The following TDRD7 variants were observed in gnomAD, a reference collection of about 807,000 sequenced individuals.
The protein encoded by TDRD7 is tudor domain-containing protein 7.
A neutral mutation model predicts 109.8 loss-of-function variants in TDRD7; 47 were observed. The ratio of observed to expected loss-of-function variants is 0.43; its 90% CI spans 0.34 to 0.55. The LOEUF (loss-of-function observed/expected upper bound fraction) is 0.55, where lower values mean the gene tolerates loss of function less well. Among genes scored for constraint, TDRD7 ranks in the 20% least tolerant of loss-of-function variants. The pLI is 0.03. For missense variants in TDRD7, 1,164 were observed against 1,319.2 expected (o/e 0.88, Z 1.82); for synonymous variants, 424 against 457.3 (o/e 0.93, Z 0.93).
intron 4 of TDRD7, among the ~76,000 whole-genome samples, chr9:97,435,986 A>G (rs756778101): frequency 6.6e-5 from 10 of 152,296 alleles, no homozygotes; most frequent in Middle Eastern, 3.4e-3. Context: ...TTACATATGC[A>G]TACATAATCT....
At chr9:97,463,680 G>T (rs1054333361) in intron 7 of TDRD7, among the ~76,000 whole-genome samples, 1 of 152,186 alleles carries the variant, frequency 6.6e-6, no homozygotes, top group Non-Finnish European at 1.5e-5. Flanking sequence ...TGATATGCCA[G>T]GTTTTACACC....
intron 13 of TDRD7, among the ~76,000 whole-genome samples, chr9:97,478,943 G>C (rs1829069033): frequency 6.6e-6 from 1 of 151,350 alleles, no homozygotes; most frequent in African/African-American, 2.4e-5. Flanking sequence ...ATTTTCTTTG[G>C]AAATCTGTTT....
intron 6 of TDRD7, among the ~76,000 whole-genome samples, chr9:97,445,220 A>C (rs1316643618): frequency 4.6e-5 from 7 of 152,238 alleles, no homozygotes; most frequent in Admixed American, 4.6e-4. Flanking sequence ...CTAGGAGTAC[A>C]GCAACACCTC....
chr9:97,441,506 G>A (rs1159212898), intron 5 of TDRD7, 152 bp from the exon 6 acceptor site: 5 of 640,274 alleles, frequency 7.8e-6, no homozygotes, highest in Admixed American at 2.9e-5. Context: ...AAGTTGTCAC[G>A]GTGCTGCTCT....
rs79533403 is a variant in TDRD7, at chr9:97,423,469, T to A, written c.-6-4991T>A. Among the ~76,000 whole-genome samples, 309 of 152,170 alleles carry A rather than the reference T, an allele frequency of 2.0e-3. 1 individual carries two copies. Among genetic ancestry groups the A allele is most frequent in the Non-Finnish European group, 3.5e-3 (236 of 67,970 alleles). On this transcript the variant is annotated intron_variant, in intron 1 of 16. Coordinates refer to ENST00000355295, the MANE Select transcript of TDRD7 (RefSeq NM_014290.3). ...GGTTTGAAAACTAGTTTTAGTTTCA[T>A]GATTCTTTTCTCTCCTATTTTTAAA... is the stretch of plus-strand genomic sequence containing the variant.
At position 97,428,582 on chromosome 9, in the gene TDRD7, C is replaced by T; in HGVS notation, c.117C>T (p.Ile39=). 2 of 1,613,514 alleles carry T rather than the reference C, an allele frequency of 1.2e-6. No individual in the cohort carries two copies. The highest frequency in any genetic ancestry group is 1.7e-6 in the Non-Finnish European group (2 of 1,179,808). Residue 39 remains isoleucine (I), a synonymous_variant, in exon 2 of 17, where the codon ATC becomes ATT. Coordinates refer to ENST00000355295, the MANE Select transcript of TDRD7 (RefSeq NM_014290.3). ...GEYRSLTGDW[I]PFKQLGFPTL... ...ACAGATCCTTGACTGGAGACTGGAT[C>T]CCCTTCAAACAGCTAGGTTTCCCTA...
At chr9:97,457,270 C>G (rs895229504) in intron 6 of TDRD7, among the ~76,000 whole-genome samples, 11 of 152,202 alleles carry the variant, frequency 7.2e-5, no homozygotes, top group Middle Eastern at 3.4e-3. Context: ...GACAATTCCT[C>G]AAGGATCTAG....
In TDRD7 at chr9:97,483,017, A is replaced by G; in HGVS notation, c.2581A>G (p.Asn861Asp). ...SAISSGADSPNSKNGNMPMSG... is the reference protein window; with the variant it reads ...SAISSGADSPDSKNGNMPMSG... ...CATATCCAGTGGAGCTGACTCTCCC[A>G]ACAGCAAAAATGGCAACATGCCCAT... Residue 861 changes from asparagine to aspartate, a missense_variant, in exon 15 of 17, where the codon AAC becomes GAC. Physicochemically the swap from Asn to Asp is conservative, Grantham distance 23. Transcript: ENST00000355295. 6.2e-7 allele frequency: 1 copy of G among 1,614,232 alleles called. No individual in the cohort carries two copies. Among genetic ancestry groups the G allele is most frequent in the Non-Finnish European group, 8.5e-7 (1 of 1,180,038 alleles).
intron 6 of TDRD7, among the ~76,000 whole-genome samples, chr9:97,447,879 A>G (rs778808117): frequency 6.6e-6 from 1 of 152,256 alleles, no homozygotes; most frequent in Non-Finnish European, 1.5e-5. Context: ...GCCTAACCTC[A>G]GGCCATGCTA....
chr9:97,456,527 A>G (rs1332787063), intron 6 of TDRD7, among the ~76,000 whole-genome samples: 3 of 152,188 alleles, frequency 2.0e-5, no homozygotes, highest in South Asian at 2.1e-4. Flanking sequence ...AACACCACAC[A>G]TCTACAACCA....
At chr9:97,413,113 C>T (rs1256444951) in intron 1 of TDRD7, among the ~76,000 whole-genome samples, 2 of 152,200 alleles carry the variant, frequency 1.3e-5, no homozygotes, top group African/African-American at 4.8e-5. Flanking sequence ...AGATCTAGTT[C>T]ATTAACCCTC....
rs868464810 is a variant in TDRD7 at position 97,421,136 on chromosome 9, A to G, written c.-6-7324A>G. On this transcript the variant is annotated intron_variant, in intron 1 of 16. Transcript: ENST00000355295. The stretch of plus-strand genomic sequence containing the variant: ...GGCCACAGAGCTGGACTCTGTCTCA[A>G]AAAAAAAAAAAAAAAGAAATTGTCA... Among the ~76,000 whole-genome samples, 98 of 126,562 alleles carry G rather than the reference A, an allele frequency of 7.7e-4. 2 individuals carry two copies. The highest frequency in any genetic ancestry group is 3.3e-3 in the African/African-American group (93 of 28,144). 83.0% of individuals were successfully genotyped at this position (126,562 alleles called of 152,430 possible).
At chr9:97,483,477 C>T in intron 15 of TDRD7, 126 bp downstream of exon 15, 1 of 1,167,836 alleles carries the variant, frequency 8.6e-7, no homozygotes, top group Non-Finnish European at 1.2e-6. Flanking sequence ...GAAACAAACA[C>T]AGTAATTTTT....
Position 97,473,492 on chromosome 9 carries a change from G to A in TDRD7, c.1945G>A (p.Val649Ile). ...CDKSLEVHLQ[V>I]DAMYTNVKVT... ...ACGAGGTATCCTTTGTCTGTTATAGGTTGACGCCATGTACACAAATGTCAA... is the reference window on the plus strand; with the variant it reads ...ACGAGGTATCCTTTGTCTGTTATAGATTGACGCCATGTACACAAATGTCAA... Residue 649 changes from valine (V) to isoleucine (I), a missense_variant and splice_region_variant, in exon 11 of 17, where the codon GTT becomes ATT. Transcript: ENST00000355295. 1 of 1,613,538 alleles carries A rather than the reference G, an allele frequency of 6.2e-7. No homozygotes were observed. The highest frequency in any genetic ancestry group is 1.3e-5 in the African/African-American group (1 of 74,988).
chr9:97,418,940 T>G (rs913804950), intron 1 of TDRD7, among the ~76,000 whole-genome samples: 2 of 152,132 alleles, frequency 1.3e-5, no homozygotes, highest in African/African-American at 4.8e-5. Context: ...GAGAATACCA[T>G]GGAAACTCTA....
At chr9:97,476,157 A>G (rs1210375934) in intron 12 of TDRD7, among the ~76,000 whole-genome samples, 1 of 152,094 alleles carries the variant, frequency 6.6e-6, no homozygotes, top group Non-Finnish European at 1.5e-5. Context: ...GTTGCCTTCC[A>G]TTGAGAGTAT....
intron 13 of TDRD7, 178 bp downstream of exon 13, chr9:97,478,751 C>T: frequency 1.3e-6 from 1 of 797,966 alleles, no homozygotes; most frequent in Admixed American, 2.0e-5. Context: ...ACAAGAAGAC[C>T]AGTCATATTT....
At chr9:97,495,270 TTA>T (rs1587900990) in intron 16 of TDRD7, among the ~76,000 whole-genome samples, 1 of 152,242 alleles carries the variant, frequency 6.6e-6, no homozygotes, top group African/African-American at 2.4e-5. Context: ...TTCTTTTTTT[TTA>T]TGATATTTGG....
At chr9:97,472,688 T>C (rs940179179) in intron 10 of TDRD7, among the ~76,000 whole-genome samples, 193 bp downstream of exon 10, 1 of 152,148 alleles carries the variant, frequency 6.6e-6, no homozygotes, top group Non-Finnish European at 1.5e-5. Context: ...AGGAACTGGA[T>C]TTTTTATTTT....
Sources: allele counts gnomAD v4.1 joint callset (sites outside exome capture counted in the v4.1 genomes callset), GRCh38; gene constraint gnomAD v4.1.1; transcripts MANE v1.5; gene names NCBI Gene and HGNC (gene_info 2026-07-23, HGNC 2026-07-21).